Variants in NRG1 observed in about 807,000 individuals in gnomAD.
NRG1 encodes pro-neuregulin-1, membrane-bound isoform.
NRG1 carries 18 observed loss-of-function variants against 63.8 expected under a neutral mutation model. That is an observed-to-expected ratio of 0.28 (90% CI 0.19 to 0.42). The LOEUF is 0.42. Ranked by LOEUF, NRG1 falls within the 10% of genes least tolerant of loss-of-function variation. The pLI is 1.00. For missense variants in NRG1, 762 were observed against 814.7 expected (o/e 0.94, Z 0.79); for synonymous variants, 302 against 301.3 (o/e 1.00, Z -0.02).
Position 32,124,737 on chromosome 8 carries a change from C to T in NRG1, c.38-471091C>T, listed in dbSNP as rs568286544. 1.1e-4 allele frequency among the ~76,000 whole-genome samples: 17 copies of T among 151,960 alleles called. 1 individual carries two copies. The highest frequency in any genetic ancestry group is 2.9e-4 in the African/African-American group (12 of 41,490). ...CCTTTCCAGTAAACTTCTCCAAACC[C>T]TTCCTCAGTGTTTCAAAGGCAACAA... On this transcript the variant is annotated intron_variant, in intron 1 of 10. Transcript: ENST00000519301.
At chr8:32,312,330 A>ATTTTTTTTT (rs4035492) in intron 1 of NRG1, among the ~76,000 whole-genome samples, 27 of 89,164 alleles carry the variant, frequency 3.0e-4, no homozygotes, top group Non-Finnish European at 4.3e-4. Context: ...TGCCCAGCTA[A>ATTTTTTTTT]TTTTTTTTTT....
chr8:31,958,048 T>TAGATAGAA (rs1371708550), intron 1 of NRG1, among the ~76,000 whole-genome samples: 5 of 150,472 alleles, frequency 3.3e-5, no homozygotes, highest in Admixed American at 6.6e-5. Flanking sequence ...AGAGACCAGA[T>TAGATAGAA]AGATAGATAG....
intron 1 of NRG1, chr8:31,641,842 GC>G (rs1402849850): frequency 6.6e-6 from 1 of 152,072 alleles, no homozygotes; most frequent in Non-Finnish European, 1.5e-5. Flanking sequence ...AGCAGAGTCT[GC>G]CTGTGATGGA....
intron 8 of NRG1, among the ~76,000 whole-genome samples, chr8:32,755,354 G>T (rs930899405): frequency 4.6e-5 from 7 of 152,108 alleles, no homozygotes; most frequent in African/African-American, 1.7e-4. Context: ...CCATCCATGG[G>T]AATATTTCAT....
At chr8:32,754,496 C>T (rs1451108785) in intron 8 of NRG1, 22 bp downstream of exon 8, 2 of 1,606,238 alleles carry the variant, frequency 1.2e-6, no homozygotes, top group South Asian at 2.2e-5. Context: ...TTCTCCATGC[C>T]TTTCTCTCTC....
intron 1 of NRG1, among the ~76,000 whole-genome samples, chr8:31,855,431 C>A (rs1827750773): frequency 6.6e-6 from 1 of 152,064 alleles, no homozygotes; most frequent in African/African-American, 2.4e-5. Context: ...ACTAGGATTG[C>A]AACCCCTGCC....
At position 32,316,654 on chromosome 8, in the gene NRG1, C is replaced by T. The variant is rs796405323; in HGVS notation, c.38-279174C>T. 8.5e-5 allele frequency among the ~76,000 whole-genome samples: 13 copies of T among 152,168 alleles called. 1 individual carries two copies. The highest frequency in any genetic ancestry group is 3.1e-4 in the African/African-American group (13 of 41,486). On this transcript the variant is annotated intron_variant, in intron 1 of 10. Transcript: ENST00000519301. ...TATAAGAGCAATGTGATGAAAGCTT[C>T]CTCTGCTAAGACTGCAACTCCAGCG...
At chr8:31,772,418 C>T (rs897630231) in intron 1 of NRG1, among the ~76,000 whole-genome samples, 9 of 152,178 alleles carry the variant, frequency 5.9e-5, no homozygotes, top group African/African-American at 9.7e-5. Flanking sequence ...CATGCCTTTG[C>T]GGACAGATTC....
chr8:32,697,422 C>A, intron 5 of NRG1, among the ~76,000 whole-genome samples: 1 of 152,310 alleles, frequency 6.6e-6, no homozygotes, highest in East Asian at 1.9e-4. Flanking sequence ...TAGAGGATTG[C>A]TTAGTGCTGA....
chr8:32,759,568 A>G (rs1830328769), intron 10 of NRG1, 132 bp downstream of exon 10: 6 of 1,139,658 alleles, frequency 5.3e-6, no homozygotes, highest in East Asian at 2.6e-5. Context: ...TTGAAAATCA[A>G]CTGGCTTTGC....
At chr8:31,945,066 G>C (rs733230) in intron 1 of NRG1, among the ~76,000 whole-genome samples, 116,521 of 152,112 alleles carry the variant, frequency 0.77, 46,647 homozygotes, top group Non-Finnish European at 0.89. Flanking sequence ...CAGAGGGATG[G>C]ATTACATAAC....
intron 1 of NRG1, among the ~76,000 whole-genome samples, chr8:32,337,602 T>G (rs962726813): frequency 7.8e-6 from 1 of 127,548 alleles, no homozygotes; most frequent in African/African-American, 3.0e-5. Context: ...GGAATCAAAT[T>G]CTGATTAAGA....
At chr8:32,143,941 A>T (rs1368725723) in intron 1 of NRG1, among the ~76,000 whole-genome samples, 1 of 152,166 alleles carries the variant, frequency 6.6e-6, no homozygotes, top group African/African-American at 2.4e-5. Flanking sequence ...CAGGGCTCCC[A>T]TTATCTGCCT....
chr8:32,027,110 T>G, intron 1 of NRG1, among the ~76,000 whole-genome samples: 1 of 152,180 alleles, frequency 6.6e-6, no homozygotes, highest in East Asian at 1.9e-4. Context: ...TTTGTTTTAG[T>G]GAACTTACAT....
At chr8:31,786,240 A>G (rs1745246347) in intron 1 of NRG1, among the ~76,000 whole-genome samples, 4 of 152,226 alleles carry the variant, frequency 2.6e-5, no homozygotes, top group South Asian at 4.1e-4. Context: ...TCCATGCTGC[A>G]TATGTGTGGC....
At chr8:31,793,946 CTTCT>C (rs1820952492) in intron 1 of NRG1, among the ~76,000 whole-genome samples, 1 of 151,190 alleles carries the variant, frequency 6.6e-6, no homozygotes, top group South Asian at 2.1e-4. Flanking sequence ...TCCTTCCTTC[CTTCT>C]TTCTTTCATT....
intron 1 of NRG1, among the ~76,000 whole-genome samples, chr8:32,495,883 C>T (rs747684826): frequency 3.9e-5 from 6 of 152,138 alleles, no homozygotes; most frequent in Non-Finnish European, 7.3e-5. Flanking sequence ...AGTGACCTTC[C>T]CAGTCCAGTC....
At chr8:31,989,871 T>C (rs1325143902) in intron 1 of NRG1, among the ~76,000 whole-genome samples, 1 of 152,120 alleles carries the variant, frequency 6.6e-6, no homozygotes. Flanking sequence ...ATATGTACTT[T>C]CCATGTTGGA....
rs1034682998 is a variant in NRG1 at position 32,313,949 on chromosome 8, C to A, written c.38-281879C>A. 2.0e-4 allele frequency among the ~76,000 whole-genome samples: 31 copies of A among 152,050 alleles called. 2 individuals are homozygous for A. ...AAATAAAATACAAATGTTTTACATT[C>A]TTTCTAAACAAGCAGACACTACTTT... On this transcript the variant is annotated intron_variant, in intron 1 of 10. Coordinates refer to the NRG1 transcript ENST00000519301.
Sources: gnomAD v4.1 joint callset for allele counts (sites outside exome capture counted in the v4.1 genomes callset) on GRCh38, gnomAD v4.1.1 for gene constraint, MANE v1.5 for transcripts, NCBI Gene and HGNC (gene_info 2026-07-23, HGNC 2026-07-21) for gene names.